The following PCDHGA7 variants were observed in gnomAD, a reference collection of about 807,000 sequenced individuals.
PCDHGA7 encodes the protein protocadherin gamma subfamily A, 7.
PCDHGA7 carries 44 observed loss-of-function variants against 58.3 expected under a neutral mutation model. The ratio of observed to expected loss-of-function variants is 0.75; its 90% confidence interval spans 0.59 to 0.97. PCDHGA7 has a LOEUF of 0.97. Ranked by LOEUF, PCDHGA7 falls within the 50% of genes least tolerant of loss-of-function variation. The pLI is 0.00. For missense variants in PCDHGA7, 1,266 were observed against 1,188.7 expected (o/e 1.06, Z -0.96); for synonymous variants, 516 against 504.2 (o/e 1.02, Z -0.31).
chr5:141,480,951 G>A (rs924500955), intron 1 of PCDHGA7, among the ~76,000 whole-genome samples: 4 of 152,038 alleles, frequency 2.6e-5, no homozygotes, highest in Non-Finnish European at 2.9e-5. Flanking sequence ...AGGCTGAGGC[G>A]GAAGCATCAG....
intron 1 of PCDHGA7, among the ~76,000 whole-genome samples, chr5:141,434,616 T>C (rs911085192): frequency 1.3e-5 from 2 of 152,204 alleles, no homozygotes; most frequent in East Asian, 1.9e-4. Context: ...TCCGCCCATC[T>C]CTTCGTTTCC....
rs1468210173 is a variant in PCDHGA7 at position 141,512,170 on chromosome 5, A to T, written c.*997A>T. 1 of 152,720 alleles carries T rather than the reference A, an allele frequency of 6.5e-6. No homozygotes were observed. The highest frequency in any genetic ancestry group is 1.5e-5 in the Non-Finnish European group (1 of 68,120). The allele number at this position is 152,720 out of a possible 1,614,324, so 9.5% of individuals were successfully genotyped here. On this transcript the variant is annotated 3_prime_UTR_variant, in exon 4 of 4. Coordinates refer to ENST00000518325, the MANE Select transcript of PCDHGA7 (RefSeq NM_018920.4). ...TGGGCTGAGCTAACAGGACCAATGG[A>T]TTAAACTGGCATTTCAGTCCAAGGA...
chr5:141,464,068 C>A (rs2099075218), intron 1 of PCDHGA7, among the ~76,000 whole-genome samples: 1 of 152,036 alleles, frequency 6.6e-6, no homozygotes, highest in Admixed American at 6.6e-5. Flanking sequence ...AGTTCAAGGC[C>A]AGCCTGGCCA....
chr5:141,402,357 G>C (rs1486286220), intron 1 of PCDHGA7, among the ~76,000 whole-genome samples: 1 of 151,812 alleles, frequency 6.6e-6, no homozygotes, highest in Non-Finnish European at 1.5e-5. Flanking sequence ...AAAAATGAAT[G>C]TACTTCCAAA....
intron 1 of PCDHGA7, chr5:141,421,938 T>C (rs777643980): frequency 2.9e-5 from 46 of 1,613,346 alleles, no homozygotes; most frequent in Non-Finnish European, 3.5e-5. Context: ...TCGATGTAAA[T>C]GATCACATCC....
At chr5:141,427,573 T>C in intron 1 of PCDHGA7, 1 of 667,160 alleles carries the variant, frequency 1.5e-6, no homozygotes, top group Non-Finnish European at 2.8e-6. Context: ...AAGCCTCCGC[T>C]CTCATCCAGC....
rs2099696598 is a variant in PCDHGA7, at chr5:141,490,144, A to C, written c.2425-4663A>C. The C allele has an allele frequency of 2.5e-6, 4 of 1,614,214 alleles. No homozygotes were observed. In the East Asian group the frequency reaches 6.7e-5, roughly 27 times the overall value. ...TGGCCTAGACCCTAGCAGTGGGGCA[A>C]TCCATGTGTTGGGTCCCATAGACTT... On this transcript the variant is annotated intron_variant, in intron 1 of 3. Transcript: ENST00000518325. The surrounding 1 kb of genome is among the most constrained non-coding windows in gnomAD (Gnocchi z 5.4).
At chr5:141,456,777 A>G (rs572940615) in intron 1 of PCDHGA7, among the ~76,000 whole-genome samples, 2 of 152,214 alleles carry the variant, frequency 1.3e-5, no homozygotes, top group Admixed American at 6.5e-5. Flanking sequence ...AGCCTGGCCT[A>G]CATGGCAAAA....
rs17097294 is a variant in PCDHGA7 at position 141,425,513 on chromosome 5, T to G, written c.2424+40190T>G. On this transcript the variant is annotated intron_variant, in intron 1 of 3. Coordinates refer to ENST00000518325, the MANE Select transcript of PCDHGA7 (RefSeq NM_018920.4). ...AGGCTATACCTTTATATTCTCTTTA[T>G]GATGAAACATGAAACAATAATCCTT... Among the ~76,000 whole-genome samples, 699 of 152,380 alleles carry G rather than the reference T, an allele frequency of 4.6e-3. 4 individuals carry two copies. The highest frequency in any genetic ancestry group is 0.015 in the African/African-American group (636 of 41,592).
Position 141,490,387 on chromosome 5 carries a change from G to C in PCDHGA7, c.2425-4420G>C. 2 of 1,614,196 alleles carry C rather than the reference G, an allele frequency of 1.2e-6. No individual in the cohort carries two copies. The highest frequency in any genetic ancestry group is 1.7e-6 in the Non-Finnish European group (2 of 1,180,034). On this transcript the variant is annotated intron_variant, in intron 1 of 3. Transcript: ENST00000518325. This position sits in a 1 kb window ranked among gnomAD's most constrained non-coding sequence, Gnocchi z 5.4. ...GCGAGACCGGGACTCAGGTAGAAATGGTGAAGTGAGCCTTGATATCTCTCC... is the reference window on the plus strand; with the variant it reads ...GCGAGACCGGGACTCAGGTAGAAATCGTGAAGTGAGCCTTGATATCTCTCC...
In PCDHGA7 at chr5:141,489,399, C is replaced by A. The variant is rs2099686689; in HGVS notation, c.2425-5408C>A. On this transcript the variant is annotated intron_variant, in intron 1 of 3. Coordinates refer to ENST00000518325, the MANE Select transcript of PCDHGA7 (RefSeq NM_018920.4). The surrounding 1 kb of genome is among the most constrained non-coding windows in gnomAD (Gnocchi z 4.5). ...TGGGGAATGTTGCTCAGGATCTGGGCTTAAAGATGACAGATCTGTTGAGCC... is the reference window on the plus strand; with the variant it reads ...TGGGGAATGTTGCTCAGGATCTGGGATTAAAGATGACAGATCTGTTGAGCC... 1 of 1,614,024 alleles carries A rather than the reference C, an allele frequency of 6.2e-7. No homozygotes were observed. Among genetic ancestry groups the A allele is most frequent in the African/African-American group, 1.3e-5 (1 of 74,910 alleles).
intron 1 of PCDHGA7, among the ~76,000 whole-genome samples, chr5:141,445,554 C>T (rs898901856): frequency 3.3e-5 from 5 of 152,102 alleles, no homozygotes; most frequent in African/African-American, 1.2e-4. Context: ...TACAAAAGCA[C>T]TAAGAGAAAG....
chr5:141,415,704 T>C (rs1262137262), intron 1 of PCDHGA7: 1 of 1,344,464 alleles, frequency 7.4e-7, no homozygotes, highest in South Asian at 1.3e-5. Context: ...GTGTAAATGC[T>C]AAAACACTGA....
intron 1 of PCDHGA7, chr5:141,408,253 A>G (rs749487100): frequency 3.4e-4 from 550 of 1,599,220 alleles, no homozygotes; most frequent in Non-Finnish European, 4.4e-4. Flanking sequence ...GGCAGGTGCT[A>G]TTTCCTTTGC....
intron 1 of PCDHGA7, chr5:141,395,849 C>G (rs1173151406): frequency 6.6e-6 from 1 of 152,094 alleles, no homozygotes; most frequent in African/African-American, 2.4e-5. Flanking sequence ...GGAGATGAGA[C>G]TGGTTACTAA....
At chr5:141,469,792 A>G (rs989190786) in intron 1 of PCDHGA7, among the ~76,000 whole-genome samples, 1 of 152,194 alleles carries the variant, frequency 6.6e-6, no homozygotes, top group African/African-American at 2.4e-5. Flanking sequence ...GTTATTTGTA[A>G]TTGCAAAAAC....
intron 1 of PCDHGA7, chr5:141,420,995 C>T (rs1448491394): frequency 2.0e-6 from 1 of 503,150 alleles, no homozygotes; most frequent in East Asian, 3.3e-5. Flanking sequence ...CGCCGCTGCT[C>T]ACCAATCAGG....
rs2099692814 is a variant in PCDHGA7 at position 141,489,840 on chromosome 5, G to A, written c.2425-4967G>A. 6.2e-7 allele frequency: 1 copy of A among 1,614,190 alleles called. No individual in the cohort carries two copies. The highest frequency in any genetic ancestry group is 8.5e-7 in the Non-Finnish European group (1 of 1,179,990). On this transcript the variant is annotated intron_variant, in intron 1 of 3. Coordinates refer to ENST00000518325, the MANE Select transcript of PCDHGA7 (RefSeq NM_018920.4). The surrounding 1 kb of genome is among the most constrained non-coding windows in gnomAD (Gnocchi z 4.5). ...CAGAGCTGGTGCTAGAGCAGCAGCT[G>A]GATCGTGAAGCCCAGGCAAGACATC... is the stretch of plus-strand genomic sequence containing the variant.
rs747159210 is a variant in PCDHGA7, at chr5:141,511,184, A to C, written c.*11A>C. 1.2e-5 allele frequency: 19 copies of C among 1,613,876 alleles called. No homozygotes were observed. In the Admixed American group the frequency reaches 3.2e-4, roughly 27 times the overall value. ...AAGGAGAAGAAGTAACATGGAGGCC[A>C]GGCCAAGAGCCACAGGGCGGCCTCT... is the stretch of plus-strand genomic sequence containing the variant. On this transcript the variant is annotated 3_prime_UTR_variant, in exon 4 of 4. Transcript: ENST00000518325.
Sources: gnomAD v4.1 joint callset for allele counts (sites outside exome capture counted in the v4.1 genomes callset) on GRCh38, gnomAD v4.1.1 for gene constraint, Gnocchi (gnomAD v3.1) non-coding constraint, MANE v1.5 for transcripts, NCBI Gene and HGNC (gene_info 2026-07-23, HGNC 2026-07-21) for gene names.